The following BCL9 variants were observed in gnomAD, a reference collection of about 807,000 sequenced individuals.
BCL9 encodes B-cell CLL/lymphoma 9 protein.
BCL9 carries 25 observed loss-of-function variants against 88.5 expected under a neutral mutation model. That is an observed-to-expected ratio of 0.28 (90% CI 0.21 to 0.39). The LOEUF (loss-of-function observed/expected upper bound fraction) is 0.39. Among genes scored for constraint, BCL9 ranks in the 10% least tolerant of loss-of-function variants. The pLI is 1.00. For synonymous variants in BCL9, 711 were observed against 673.3 expected (o/e 1.06, Z -0.87); for missense variants, 1,817 against 1,877.8 (o/e 0.97, Z 0.60).
chr1:147,553,957 C>T (rs927923198), intron 1 of BCL9, among the ~76,000 whole-genome samples: 2 of 152,132 alleles, frequency 1.3e-5, no homozygotes, highest in South Asian at 2.1e-4. Context: ...ACAGCTCATA[C>T]TCACTGATGG....
Position 147,619,523 on chromosome 1 carries a change from C to A in BCL9, c.1368C>A (p.Thr456=). The A allele has an allele frequency of 6.2e-7, 1 of 1,614,094 alleles. No homozygotes were observed. Among genetic ancestry groups the A allele is most frequent in the Non-Finnish European group, 8.5e-7 (1 of 1,180,008 alleles). The change falls in exon 8 of 10, where the codon ACC becomes ACA. Residue 456 remains threonine (T), a synonymous_variant. Coordinates refer to ENST00000234739, the MANE Select transcript of BCL9 (RefSeq NM_004326.4). This position sits in a 1 kb window ranked among gnomAD's most constrained non-coding sequence, Gnocchi z 4.1. Reference sequence around the variant, plus strand: ...CTTCTATGAACTCCCAGTCTGGGACCATAGGACCCGACCACCTTGACCATA... The same window carrying A: ...CTTCTATGAACTCCCAGTCTGGGACAATAGGACCCGACCACCTTGACCATA... ...VPPSMNSQSG[T]IGPDHLDHMT...
intron 1 of BCL9, among the ~76,000 whole-genome samples, chr1:147,561,098 A>G (rs926229909): frequency 3.3e-5 from 5 of 152,240 alleles, no homozygotes; most frequent in Non-Finnish European, 5.9e-5. Context: ...GAACTCACCA[A>G]TGCAATTGAT....
chr1:147,546,743 G>A (rs1308769819), intron 1 of BCL9, among the ~76,000 whole-genome samples: 8 of 152,124 alleles, frequency 5.3e-5, no homozygotes, highest in East Asian at 1.9e-4. Context: ...ATTCCTATAC[G>A]TCTATATCTA....
At position 147,620,914 on chromosome 1, in the gene BCL9, A is replaced by G; in HGVS notation, c.2759A>G (p.His920Arg). Residue 920 changes from histidine to arginine, a missense_variant, in exon 8 of 10, where the codon CAC becomes CGC. His to Arg is a conservative substitution (Grantham distance 29, BLOSUM62 0). Coordinates refer to ENST00000234739, the MANE Select transcript of BCL9 (RefSeq NM_004326.4). ...GGGTCTGCTGCTGCTTCACCTGTCC[A>G]CCTCAAGTCTCCATCACTTCCTGCC... is the stretch of plus-strand genomic sequence containing the variant. ...VLGSAAASPVHLKSPSLPAPS... is the reference protein window; with the variant it reads ...VLGSAAASPVRLKSPSLPAPS... 1.9e-6 allele frequency: 3 copies of G among 1,613,626 alleles called. No homozygotes were observed. Among genetic ancestry groups the G allele is most frequent in the Non-Finnish European group, 2.5e-6 (3 of 1,179,910 alleles).
chr1:147,592,787 G>A (rs587649951), intron 1 of BCL9, among the ~76,000 whole-genome samples: 1 of 152,258 alleles, frequency 6.6e-6, no homozygotes, highest in South Asian at 2.1e-4. Flanking sequence ...ACTTAACTAT[G>A]TGCTAGGCAC....
Position 147,612,391 on chromosome 1 carries a change from G to T in BCL9, c.54-492G>T, listed in dbSNP as rs587646530. Among the ~76,000 whole-genome samples, 6 of 152,244 alleles carry T rather than the reference G, an allele frequency of 3.9e-5. No homozygotes were observed. The South Asian group carries it at 1.0e-3, about 26-fold the overall frequency. Reference sequence around the variant, plus strand: ...TTGGTGTAATACTGCTTGTTGGGAGGGATTAGTATCCTGGAGGATTTCCCT... The same window carrying T: ...TTGGTGTAATACTGCTTGTTGGGAGTGATTAGTATCCTGGAGGATTTCCCT... On this transcript the variant is annotated intron_variant, in intron 4 of 9. Coordinates refer to ENST00000234739, the MANE Select transcript of BCL9 (RefSeq NM_004326.4).
Position 147,625,160 on chromosome 1 carries a change from T to A in BCL9, c.*201T>A, listed in dbSNP as rs1658876553. 8.3e-6 allele frequency: 5 copies of A among 602,684 alleles called. No individual in the cohort carries two copies. The highest frequency in any genetic ancestry group is 1.3e-5 in the Non-Finnish European group (5 of 375,676). 37.3% of individuals were successfully genotyped at this position (602,684 alleles called of 1,614,324 possible). On this transcript the variant is annotated 3_prime_UTR_variant, in exon 10 of 10. Coordinates refer to ENST00000234739, the MANE Select transcript of BCL9 (RefSeq NM_004326.4). ...TTATTCATTTAATCAACAGGTGTGT[T>A]TTTTTTAAGATTTATTTTTTAAAAA...
rs1177109059 is a variant in BCL9 at position 147,625,564 on chromosome 1, G to T, written c.*605G>T. 2 of 122,176 alleles carry T rather than the reference G, an allele frequency of 1.6e-5. No homozygotes were observed. Among genetic ancestry groups the T allele is most frequent in the Non-Finnish European group, 3.1e-5 (2 of 63,922 alleles). 7.6% of individuals were successfully genotyped at this position (122,176 alleles called of 1,614,324 possible). On this transcript the variant is annotated 3_prime_UTR_variant, in exon 10 of 10. Transcript: ENST00000234739. ...AGTATTAATGAAAAGCACAAAAAAA[G>T]GAACTAAGTTCAGCGAGGGGTGGGG...
chr1:147,601,556 G>A (rs1657388938), intron 1 of BCL9, among the ~76,000 whole-genome samples: 1 of 151,364 alleles, frequency 6.6e-6, no homozygotes, highest in Non-Finnish European at 1.5e-5. Flanking sequence ...ATGGGAGGAG[G>A]GGGCAAAAGG....
rs41299583 is a variant in BCL9, at chr1:147,611,851, C to T, written c.15C>T (p.Asn5=). The T allele has an allele frequency of 4.3e-4, 700 of 1,614,052 alleles. No individual in the cohort carries two copies. The highest frequency in any genetic ancestry group is 5.3e-4 in the Non-Finnish European group (627 of 1,180,038). Residue 5 remains asparagine (N), a synonymous_variant, in exon 4 of 10, where the codon AAC becomes AAT. Coordinates refer to ENST00000234739, the MANE Select transcript of BCL9 (RefSeq NM_004326.4). ...GATTTCAATCAATGCATTCCAGTAA[C>T]CCTAAAGTGAGGAGCTCTCCATCAG... MHSS[N]PKVRSSPSGN...
Position 147,620,212 on chromosome 1 carries a change from T to C in BCL9, c.2057T>C (p.Leu686Pro). 6 of 1,614,042 alleles carry C rather than the reference T, an allele frequency of 3.7e-6. No homozygotes were observed. Among genetic ancestry groups the C allele is most frequent in the Non-Finnish European group, 5.1e-6 (6 of 1,179,950 alleles). ...CCTCGAATACCAGTTGAGGGCCCTC[T>C]GAGTCCTTCTAGGGGTGACTTTCCA... is the stretch of plus-strand genomic sequence containing the variant. The part of the protein sequence containing the change: ...IFPRIPVEGP[L>P]SPSRGDFPKG... Residue 686 changes from leucine to proline, a missense_variant, in exon 8 of 10, where the codon CTG becomes CCG. This residue lies in a region of BCL9 where 1,228 missense variants were observed against 1,191.6 expected (regional missense o/e 1.03). Transcript: ENST00000234739.
At chr1:147,546,621 T>C (rs1197994740) in intron 1 of BCL9, among the ~76,000 whole-genome samples, 1 of 152,216 alleles carries the variant, frequency 6.6e-6, no homozygotes, top group Non-Finnish European at 1.5e-5. Context: ...TCTGATTCTG[T>C]GAATAGGATA....
chr1:147,588,812 CCTA>C (rs1223698869), intron 1 of BCL9, among the ~76,000 whole-genome samples: 4 of 152,178 alleles, frequency 2.6e-5, no homozygotes, highest in Admixed American at 6.5e-5. Flanking sequence ...CCCTGCACTC[CCTA>C]ATGCTGATGT....
rs1229751847 is a variant in BCL9 at position 147,619,125 on chromosome 1, T to A, written c.970T>A (p.Ser324Thr). Residue 324 changes from serine (S) to threonine (T), a missense_variant, in exon 8 of 10, where the codon TCT (serine) becomes ACT (threonine). This residue lies in a region of BCL9 where 1,228 missense variants were observed against 1,191.6 expected (regional missense o/e 1.03). Coordinates refer to ENST00000234739, the MANE Select transcript of BCL9 (RefSeq NM_004326.4). This position sits in a 1 kb window ranked among gnomAD's most constrained non-coding sequence, Gnocchi z 4.1. ...VTPVSQGSNS[S>T]SADPKAPPPP... is the part of the protein sequence containing the mutation. ...CCCTGTCTCCCAGGGGAGCAATAGC[T>A]CTTCAGCAGATCCCAAAGCCCCTCC... The A allele has an allele frequency of 1.2e-6, 2 of 1,613,616 alleles. No homozygotes were observed. The highest frequency in any genetic ancestry group is 1.7e-6 in the Non-Finnish European group (2 of 1,179,868).
intron 1 of BCL9, among the ~76,000 whole-genome samples, chr1:147,566,303 G>C (rs1655591653): frequency 6.6e-6 from 1 of 152,206 alleles, no homozygotes; most frequent in Admixed American, 6.5e-5. Context: ...TACTGGGAAA[G>C]AGGTTAGCTG....
chr1:147,609,186 G>C (rs1657881077), intron 3 of BCL9, among the ~76,000 whole-genome samples: 1 of 152,174 alleles, frequency 6.6e-6, no homozygotes, highest in South Asian at 2.1e-4. Flanking sequence ...TTCTGTGGAG[G>C]ATCCTTTCCA....
rs1658612288 is a variant in BCL9 at position 147,621,059 on chromosome 1, T to G, written c.2902+2T>G. 6.2e-7 allele frequency: 1 copy of G among 1,609,486 alleles called. No homozygotes were observed. Among genetic ancestry groups the G allele is most frequent in the Non-Finnish European group, 8.5e-7 (1 of 1,178,180 alleles). On this transcript the variant is annotated splice_donor_variant, in intron 8 of 9. Transcript: ENST00000234739. LOFTEE classifies it high-confidence loss of function. ...CCATGCTGGGAAATGTAGAGTCAGG[T>G]CAGTATGCTTGCATCCTCACAGTTG...
chr1:147,600,965 A>G lies in BCL9; in HGVS notation c.-477-3812A>G, dbSNP rs782248099. Among the ~76,000 whole-genome samples the G allele has an allele frequency of 4.6e-5, 7 of 152,166 alleles. 1 individual carries two copies. The highest frequency in any genetic ancestry group is 3.9e-4 in the Admixed American group (6 of 15,280). On this transcript the variant is annotated intron_variant, in intron 1 of 9. Transcript: ENST00000234739. ...TGCAAAGACTATTAAGATGTCACTGATGAGTGTTGGGTGAGCCTGGTGAAA... is the reference window on the plus strand; with the variant it reads ...TGCAAAGACTATTAAGATGTCACTGGTGAGTGTTGGGTGAGCCTGGTGAAA...
In BCL9 at chr1:147,624,451, C is replaced by G; in HGVS notation, c.3773C>G (p.Pro1258Arg). ...TLQYFPRGEV[P>R]GRKQPQGPGP... is the part of the protein sequence containing the mutation. ...CAATATTTCCCTCGAGGGGAAGTTC[C>G]AGGCCGTAAACAGCCCCAGGGTCCT... Residue 1258 changes from proline to arginine, a missense_variant, in exon 10 of 10, where the codon CCA becomes CGA. Pro to Arg is a moderately radical substitution (Grantham distance 103). Around this residue, in one of 2 missense-constraint regions of BCL9, gnomAD observed 589 missense variants for 686.2 expected, o/e 0.86. Coordinates refer to ENST00000234739, the MANE Select transcript of BCL9 (RefSeq NM_004326.4). The surrounding 1 kb of genome is among the most constrained non-coding windows in gnomAD (Gnocchi z 4.4). 6.2e-7 allele frequency: 1 copy of G among 1,614,228 alleles called. No individual in the cohort carries two copies. The highest frequency in any genetic ancestry group is 8.5e-7 in the Non-Finnish European group (1 of 1,180,044).
Sources: allele counts gnomAD v4.1 joint callset (sites outside exome capture counted in the v4.1 genomes callset), GRCh38; gene constraint gnomAD v4.1.1; regional missense constraint gnomAD v4.1.1; non-coding constraint Gnocchi (gnomAD v3.1); transcripts MANE v1.5; gene names NCBI Gene and HGNC (gene_info 2026-07-23, HGNC 2026-07-21).